Variants in PLCG2 observed in about 807,000 individuals in gnomAD.
PLCG2 encodes 1-phosphatidylinositol 4,5-bisphosphate phosphodiesterase gamma-2.
PLCG2 carries 69 observed loss-of-function variants against 175.6 expected under a neutral mutation model. The ratio of observed to expected loss-of-function variants is 0.39; its 90% CI spans 0.32 to 0.48. The LOEUF (loss-of-function observed/expected upper bound fraction) is 0.48. PLCG2 is among the 20% of genes least tolerant of loss of function. PLCG2 has a pLI of 0.91. For synonymous variants in PLCG2, 827 were observed against 624.0 expected, an observed-to-expected ratio of 1.33 and a Z score of -4.85; for missense variants, 1,798 against 1,650.9, an observed-to-expected ratio of 1.09 and a Z score of -1.54.
chr16:81,928,602 G>C lies in PLCG2; in HGVS notation c.2559G>C (p.Leu853Phe). The change falls in exon 24 of 33, where the codon TTG becomes TTC. Residue 853 changes from leucine to phenylalanine, a missense_variant. Physicochemically the swap from Leu to Phe is conservative, Grantham distance 22 (BLOSUM62 0). Transcript: ENST00000564138. ...TAGGGTCTCTTTGCAGAGGAATATT[G>C]GACCTCAATACCTATAACGTCGGTA... is the stretch of plus-strand genomic sequence containing the variant. ...NPLGSLCRGILDLNTYNVVKA... is the reference protein window; with the variant it reads ...NPLGSLCRGIFDLNTYNVVKA... The C allele has an allele frequency of 6.2e-7, 1 of 1,608,056 alleles. No homozygotes were observed. Among genetic ancestry groups the C allele is most frequent in the Non-Finnish European group, 8.5e-7 (1 of 1,174,560 alleles).
chr16:81,786,220 C>A (rs919214759), intron 2 of PLCG2, 38 bp downstream of exon 2: 1 of 1,557,650 alleles, frequency 6.4e-7, no homozygotes, highest in Admixed American at 1.7e-5. Context: ...GGCCCGTCCT[C>A]TGGGGCCCTG....
intron 31 of PLCG2, among the ~76,000 whole-genome samples, chr16:81,954,556 A>C (rs1475056631): frequency 1.3e-5 from 2 of 151,658 alleles, no homozygotes; most frequent in Non-Finnish European, 2.9e-5. Context: ...TCATTGTTCA[A>C]CTCCCACTTA....
intron 7 of PLCG2, among the ~76,000 whole-genome samples, chr16:81,871,636 C>T (rs1398584804): frequency 6.6e-6 from 1 of 152,042 alleles, no homozygotes; most frequent in Non-Finnish European, 1.5e-5. Context: ...CTGTGCCCAG[C>T]CCTTTATATA....
chr16:81,886,412 C>A (rs1167086581), intron 9 of PLCG2, among the ~76,000 whole-genome samples: 1 of 152,152 alleles, frequency 6.6e-6, no homozygotes, highest in Non-Finnish European at 1.5e-5. Flanking sequence ...AATTAGTATG[C>A]CTTTTCTAGA....
intron 8 of PLCG2, among the ~76,000 whole-genome samples, chr16:81,882,483 TG>T (rs1488389066): frequency 6.6e-6 from 1 of 152,142 alleles, no homozygotes; most frequent in Non-Finnish European, 1.5e-5. Flanking sequence ...CCCTTGGGTC[TG>T]GCTCCTGTCC....
upstream of PLCG2, among the ~76,000 whole-genome samples, chr16:81,778,259 C>G (rs868601205): frequency 9.9e-5 from 15 of 151,860 alleles, no homozygotes; most frequent in Non-Finnish European, 1.6e-4. Flanking sequence ...AGTCCCAGCT[C>G]TTCAGGAGGC....
At chr16:81,921,330 T>G (rs757653593) in intron 21 of PLCG2, 61 bp downstream of exon 21, 1 of 1,079,546 alleles carries the variant, frequency 9.3e-7, no homozygotes, top group Admixed American at 1.7e-5. Flanking sequence ...GTGGATTCCA[T>G]CTTGTTCCCA....
chr16:81,911,867 G>A (rs111324427), intron 18 of PLCG2, among the ~76,000 whole-genome samples: 14,803 of 133,962 alleles, frequency 0.11, 886 homozygotes, highest in African/African-American at 0.17. Flanking sequence ...GCATGATCTC[G>A]GCTCACTGCA....
rs9936650 is a variant in PLCG2 at position 81,880,698 on chromosome 16, C to A, written c.649-212C>A. Among the ~76,000 whole-genome samples, 126,686 of 152,214 alleles carry A rather than the reference C, an allele frequency of 0.83. 52,903 individuals are homozygous for A. Among genetic ancestry groups the A allele is most frequent in the East Asian group, 1 (5,175 of 5,182 alleles). On this transcript the variant is annotated intron_variant, in intron 7 of 32. Transcript: ENST00000564138. The stretch of plus-strand genomic sequence containing the variant: ...TAAGGGTGACTGCTTCTTGGGAATA[C>A]GACTGTGGAGGGAATGAGGAGGGCT...
chr16:81,795,326 A>T lies in PLCG2; in HGVS notation c.193+9144A>T, dbSNP rs75829281. 6.7e-3 allele frequency among the ~76,000 whole-genome samples: 1,025 copies of T among 152,304 alleles called. 10 individuals are homozygous for T. The highest frequency in any genetic ancestry group is 0.024 in the African/African-American group (989 of 41,562). ...TCAGGGTGGCCTCTCTGTAGAGGTG[A>T]TGTTTGAGCTGAGACTTGAAGGGTG... On this transcript the variant is annotated intron_variant, in intron 2 of 32. Coordinates refer to ENST00000564138, the MANE Select transcript of PLCG2 (RefSeq NM_002661.5).
chr16:81,784,743 A>C (rs1240370437), intron 1 of PLCG2, among the ~76,000 whole-genome samples: 1 of 152,202 alleles, frequency 6.6e-6, no homozygotes, highest in Admixed American at 6.5e-5. Flanking sequence ...GATGGTGGAT[A>C]CTGTTACCTT....
intron 1 of PLCG2, 129 bp from the exon 2 acceptor site, chr16:81,785,814 A>C: frequency 1.6e-6 from 1 of 607,906 alleles, no homozygotes. Flanking sequence ...ATGCCTTGCC[A>C]CTAGAACCTT....
chr16:81,957,546 A>G (rs1049475055), intron 32 of PLCG2, among the ~76,000 whole-genome samples: 1 of 152,168 alleles, frequency 6.6e-6, no homozygotes, highest in Non-Finnish European at 1.5e-5. Flanking sequence ...AGATCCCCCA[A>G]CAGGGATGCT....
At chr16:81,824,383 C>T (rs1338456707) in intron 2 of PLCG2, among the ~76,000 whole-genome samples, 6 of 152,216 alleles carry the variant, frequency 3.9e-5, no homozygotes, top group Non-Finnish European at 7.3e-5. Flanking sequence ...ATCCACCCAC[C>T]TCAACCTCCC....
chr16:81,925,975 G>A (rs11643258), intron 22 of PLCG2, among the ~76,000 whole-genome samples: 149,754 of 152,154 alleles, frequency 0.98, 73,742 homozygotes, highest in East Asian at 1. Flanking sequence ...GTGGCTGCTT[G>A]GATGACTGTG....
intron 22 of PLCG2, among the ~76,000 whole-genome samples, chr16:81,925,099 C>T (rs539264450): frequency 2.4e-4 from 37 of 152,302 alleles, no homozygotes; most frequent in African/African-American, 8.2e-4. Context: ...GTGAGATGGC[C>T]TCATGCCTTT....
At chr16:81,936,779 A>T (rs1597144018) in intron 27 of PLCG2, among the ~76,000 whole-genome samples, 5 of 152,334 alleles carry the variant, frequency 3.3e-5, no homozygotes, top group Admixed American at 3.3e-4. Context: ...AAACTTCTGG[A>T]CACAAAGTGA....
intron 19 of PLCG2, among the ~76,000 whole-genome samples, chr16:81,917,332 C>G (rs1409931614): frequency 6.6e-6 from 1 of 151,372 alleles, no homozygotes; most frequent in African/African-American, 2.4e-5. Flanking sequence ...TACACCTTGG[C>G]TATGGTGAAT....
intron 2 of PLCG2, among the ~76,000 whole-genome samples, chr16:81,768,400 C>T (rs888678891): frequency 6.6e-6 from 1 of 152,104 alleles, no homozygotes; most frequent in African/African-American, 2.4e-5. Flanking sequence ...TTTCATATCT[C>T]TTAGGTAAAT....
Sources: allele counts gnomAD v4.1 joint callset (sites outside exome capture counted in the v4.1 genomes callset), GRCh38; gene constraint gnomAD v4.1.1; transcripts MANE v1.5; gene names NCBI Gene and HGNC (gene_info 2026-07-23, HGNC 2026-07-21).